Variants in DNAI4 observed in about 807,000 individuals in gnomAD.
The protein encoded by DNAI4 is WD repeat domain 78.
In DNAI4, 85 loss-of-function variants were observed where a neutral mutation model predicts 105.8. The ratio of observed to expected loss-of-function variants is 0.80; its 90% CI spans 0.67 to 0.96. DNAI4 has a LOEUF of 0.96. Among genes scored for constraint, DNAI4 ranks in the 40% least tolerant of loss-of-function variants. The pLI, the probability that DNAI4 is intolerant of heterozygous loss-of-function variation, is 0.00. For missense variants in DNAI4, 1,014 were observed against 1,005.6 expected (o/e 1.01, Z -0.11); for synonymous variants, 352 against 331.5 (o/e 1.06, Z -0.67).
chr1:66,863,651 G>C (rs1646673830), intron 6 of DNAI4, among the ~76,000 whole-genome samples: 1 of 151,844 alleles, frequency 6.6e-6, no homozygotes, highest in Non-Finnish European at 1.5e-5. Context: ...TAGAGATGGG[G>C]TTCACCATGT....
intron 4 of DNAI4, among the ~76,000 whole-genome samples, chr1:66,880,419 C>T (rs1227443930): frequency 1.3e-5 from 2 of 152,076 alleles, no homozygotes; most frequent in East Asian, 1.9e-4. Context: ...ATGCTGAGAG[C>T]GATACGGACA....
intron 9 of DNAI4, 51 bp from the exon 10 acceptor site, chr1:66,837,847 A>T: frequency 6.8e-7 from 1 of 1,472,206 alleles, no homozygotes; most frequent in Non-Finnish European, 9.3e-7. Context: ...GCATTAAAAT[A>T]TTGGTAAATG....
chr1:66,869,116 AATATAT>A (rs150114253), intron 6 of DNAI4, among the ~76,000 whole-genome samples: 1 of 145,656 alleles, frequency 6.9e-6, no homozygotes, highest in African/African-American at 2.6e-5. Flanking sequence ...CCTAGATATG[AATATAT>A]ATATATATAT....
chr1:66,849,330 T>G (rs1646345617), intron 7 of DNAI4, among the ~76,000 whole-genome samples: 1 of 152,178 alleles, frequency 6.6e-6, no homozygotes. Flanking sequence ...AGACACAACT[T>G]CCCCTGATGT....
chr1:66,913,341 T>C (rs1452364392), intron 1 of DNAI4, among the ~76,000 whole-genome samples: 2 of 152,338 alleles, frequency 1.3e-5, no homozygotes, highest in African/African-American at 4.8e-5. Flanking sequence ...AGTTCAAAGA[T>C]GCATTCTACA....
intron 4 of DNAI4, among the ~76,000 whole-genome samples, chr1:66,888,687 C>T (rs981416255): frequency 9.2e-5 from 14 of 151,958 alleles, no homozygotes; most frequent in African/African-American, 2.2e-4. Context: ...AGCAAGACTC[C>T]GTCTAAAAAA....
At chr1:66,816,399 A>C (rs1222723075) in intron 16 of DNAI4, among the ~76,000 whole-genome samples, 1 of 152,126 alleles carries the variant, frequency 6.6e-6, no homozygotes, top group Non-Finnish European at 1.5e-5. Flanking sequence ...AATTAATGAA[A>C]AAATTATAGG....
In DNAI4 at chr1:66,814,616, C is replaced by T. The variant is rs563747697; in HGVS notation, c.2497-436G>A. Among the ~76,000 whole-genome samples, 4 of 152,298 alleles carry T rather than the reference C, an allele frequency of 2.6e-5. No individual in the cohort carries two copies. The South Asian group carries it at 8.3e-4, about 32-fold the overall frequency. On this transcript the variant is annotated intron_variant, in intron 16 of 16. Transcript: ENST00000371026. Reference sequence around the variant, plus strand: ...ATCTCCTGACCTCATGATTCGCCCACCTTGGCCTCCCAAAGTGCTGGGATT... The same window carrying T: ...ATCTCCTGACCTCATGATTCGCCCATCTTGGCCTCCCAAAGTGCTGGGATT...
At chr1:66,911,180 A>G (rs180706518) in intron 1 of DNAI4, among the ~76,000 whole-genome samples, 192 of 152,310 alleles carry the variant, frequency 1.3e-3, no homozygotes, top group Admixed American at 0.012. Flanking sequence ...AATTTGCTAG[A>G]GTGGATCACA....
At position 66,840,644 on chromosome 1, in the gene DNAI4, A is replaced by G; in HGVS notation, c.1319T>C (p.Val440Ala). Residue 440 changes from valine to alanine, a missense_variant, in exon 9 of 17, where the codon GTT becomes GCT. Physicochemically the swap from Val to Ala is moderately conservative, Grantham distance 64. Transcript: ENST00000371026. The part of the protein sequence containing the change: ...KEPEPEEPED[V>A]LESAKHEEVE... ...CTCTTCATGTTTTGCACTTTCTAAAACATCTTCAGGCTCTTCAGGTTCAGG... is the reference window on the plus strand; with the variant it reads ...CTCTTCATGTTTTGCACTTTCTAAAGCATCTTCAGGCTCTTCAGGTTCAGG... 6.2e-7 allele frequency: 1 copy of G among 1,614,142 alleles called. No homozygotes were observed. The highest frequency in any genetic ancestry group is 8.5e-7 in the Non-Finnish European group (1 of 1,180,022).
At chr1:66,852,555 G>T (rs1646418679) in intron 7 of DNAI4, among the ~76,000 whole-genome samples, 1 of 151,710 alleles carries the variant, frequency 6.6e-6, no homozygotes, top group Non-Finnish European at 1.5e-5. Context: ...GGATAAAAGA[G>T]TTCTTCAATA....
At chr1:66,861,682 C>T (rs1023560628) in intron 7 of DNAI4, among the ~76,000 whole-genome samples, 11 of 152,144 alleles carry the variant, frequency 7.2e-5, no homozygotes, top group South Asian at 4.1e-4. Context: ...TTGCAGTATC[C>T]CCGGTAGATG....
At chr1:66,880,884 G>T (rs543769636) in intron 4 of DNAI4, among the ~76,000 whole-genome samples, 1 of 152,182 alleles carries the variant, frequency 6.6e-6, no homozygotes, top group Non-Finnish European at 1.5e-5. Flanking sequence ...GGTGAATGTG[G>T]TTTTGTGGGC....
intron 7 of DNAI4, among the ~76,000 whole-genome samples, chr1:66,850,262 T>C (rs1211248910): frequency 2.0e-5 from 3 of 151,810 alleles, no homozygotes; most frequent in African/African-American, 7.3e-5. Context: ...CAGAAAAAAG[T>C]GGCACACATT....
rs866822415 is a variant in DNAI4, at chr1:66,836,274, A to G, written c.1582-497T>C. ...AGAGAGAGAAAGAAAGAAAGAAAGA[A>G]AGAAAGAAAGAAAGAAAGAAAGAAA... On this transcript the variant is annotated intron_variant, in intron 10 of 16. Coordinates refer to ENST00000371026, the MANE Select transcript of DNAI4 (RefSeq NM_024763.5). 7.8e-4 allele frequency among the ~76,000 whole-genome samples: 94 copies of G among 119,814 alleles called. 2 individuals carry two copies. The highest frequency in any genetic ancestry group is 1.6e-3 in the African/African-American group (48 of 30,808). The allele number at this position is 119,814 out of a possible 152,430, so 78.6% of individuals were successfully genotyped here.
intron 16 of DNAI4, among the ~76,000 whole-genome samples, chr1:66,819,368 C>T (rs1039322664): frequency 2.6e-5 from 4 of 152,176 alleles, no homozygotes; most frequent in Non-Finnish European, 5.9e-5. Flanking sequence ...TCTTCCCATT[C>T]ACCTTCCAAA....
intron 1 of DNAI4, among the ~76,000 whole-genome samples, chr1:66,912,362 G>A (rs777968432): frequency 6.6e-5 from 10 of 151,930 alleles, no homozygotes; most frequent in Non-Finnish European, 1.2e-4. Context: ...CCAGCTACTC[G>A]GGAGGCTGAG....
chr1:66,919,346 C>T (rs1228855356), intron 1 of DNAI4, among the ~76,000 whole-genome samples: 1 of 152,090 alleles, frequency 6.6e-6, no homozygotes, highest in Non-Finnish European at 1.5e-5. Context: ...ATAAAATAAT[C>T]TCACATTAAC....
intron 7 of DNAI4, among the ~76,000 whole-genome samples, chr1:66,852,048 T>C (rs1646408364): frequency 6.6e-6 from 1 of 151,682 alleles, no homozygotes; most frequent in African/African-American, 2.4e-5. Context: ...AAATAAATTA[T>C]CAAAATCAGG....
Sources: allele counts gnomAD v4.1 joint callset (sites outside exome capture counted in the v4.1 genomes callset), GRCh38; gene constraint gnomAD v4.1.1; transcripts MANE v1.5; gene names NCBI Gene and HGNC (gene_info 2026-07-23, HGNC 2026-07-21).